PDIA4: variants seen among roughly 807,000 people sequenced by gnomAD.
The protein encoded by PDIA4 is protein disulfide isomerase family A member 4.
A neutral mutation model predicts 62.1 loss-of-function variants in PDIA4; 33 were observed. That is an observed-to-expected ratio of 0.53 (90% CI 0.40 to 0.71). PDIA4 has a LOEUF of 0.71. Among genes scored for constraint, PDIA4 ranks in the 30% least tolerant of loss-of-function variants. The pLI, the probability that PDIA4 is intolerant of heterozygous loss-of-function variation, is 0.00. For synonymous variants in PDIA4, 341 were observed against 324.1 expected, an observed-to-expected ratio of 1.05 and a Z score of -0.56; for missense variants, 804 against 813.6, an observed-to-expected ratio of 0.99 and a Z score of 0.14.
chr7:149,027,441 G>T (rs937804912), intron 1 of PDIA4, among the ~76,000 whole-genome samples: 2 of 152,190 alleles, frequency 1.3e-5, no homozygotes, highest in South Asian at 4.1e-4. Flanking sequence ...CATTATCAAA[G>T]AGTGTATATT....
At chr7:149,007,571 A>G (rs1370633370) in intron 7 of PDIA4, among the ~76,000 whole-genome samples, 1 of 152,258 alleles carries the variant, frequency 6.6e-6, no homozygotes, top group Non-Finnish European at 1.5e-5. Flanking sequence ...TAAAGCACTC[A>G]GAAGGCTGAA....
intron 3 of PDIA4, 99 bp from the exon 4 acceptor site, chr7:149,015,141 C>G: frequency 8.0e-7 from 1 of 1,257,042 alleles, no homozygotes; most frequent in Non-Finnish European, 1.1e-6. Flanking sequence ...AAGCAAGTGT[C>G]GGGGCCCACA....
chr7:149,008,061 A>G, intron 7 of PDIA4, 98 bp downstream of exon 7: 1 of 1,176,084 alleles, frequency 8.5e-7, no homozygotes, highest in Non-Finnish European at 1.2e-6. Context: ...TGCAGACAAG[A>G]GCGAAACCTC....
intron 8 of PDIA4, 97 bp from the exon 9 acceptor site, chr7:149,005,471 G>A (rs1563118861): frequency 3.9e-6 from 3 of 771,690 alleles, no homozygotes; most frequent in Non-Finnish European, 6.7e-6. Context: ...CTAATATTCT[G>A]ACAATGCTCA....
intron 2 of PDIA4, among the ~76,000 whole-genome samples, chr7:149,020,314 G>A (rs1311692763): frequency 6.6e-6 from 1 of 152,102 alleles, no homozygotes; most frequent in African/African-American, 2.4e-5. Context: ...TCAGGCACTG[G>A]ACAAAAGTGA....
chr7:149,025,879 C>T (rs1413569936), intron 1 of PDIA4, among the ~76,000 whole-genome samples: 1 of 152,148 alleles, frequency 6.6e-6, no homozygotes, highest in Non-Finnish European at 1.5e-5. Context: ...TAAAAGCAGG[C>T]AACAAACAGG....
At chr7:149,017,667 T>A (rs1385523475) in intron 3 of PDIA4, among the ~76,000 whole-genome samples, 1 of 151,370 alleles carries the variant, frequency 6.6e-6, no homozygotes, top group Non-Finnish European at 1.5e-5. Flanking sequence ...ATAAAATACA[T>A]TTTATCAAAA....
rs574192583 is a variant in PDIA4, at chr7:149,028,247, G to A, written c.88+74C>T. The A allele has an allele frequency of 2.5e-3, 2,786 of 1,124,916 alleles. 36 individuals carry two copies. In the African/African-American group the frequency reaches 0.031, roughly 12 times the overall value. 69.7% of individuals were successfully genotyped at this position (1,124,916 alleles called of 1,614,324 possible). On this transcript the variant is annotated intron_variant, in intron 1 of 9. Coordinates refer to ENST00000652332, the MANE Select transcript of PDIA4 (RefSeq NM_004911.5). The stretch of plus-strand genomic sequence containing the variant: ...GCGCGGAAGCCCGCCCGCCGGGGTC[G>A]CAGGGCCCAGGCCCCCGCACAGCTC...
At chr7:149,007,314 C>T (rs1348955798) in intron 7 of PDIA4, among the ~76,000 whole-genome samples, 1 of 152,164 alleles carries the variant, frequency 6.6e-6, no homozygotes, top group Non-Finnish European at 1.5e-5. Context: ...TGTCACACCC[C>T]CTGCTCCAGG....
intron 7 of PDIA4, among the ~76,000 whole-genome samples, chr7:149,007,121 G>C (rs1443297288): frequency 6.6e-6 from 1 of 150,612 alleles, no homozygotes; most frequent in Non-Finnish European, 1.5e-5. Flanking sequence ...CCAGGGAAGA[G>C]GAGAGTTGCC....
Position 149,003,866 on chromosome 7 carries a change from T to G in PDIA4, c.1866A>C (p.Arg622Ser). 7 of 1,610,924 alleles carry G rather than the reference T, an allele frequency of 4.3e-6. No individual in the cohort carries two copies. The highest frequency in any genetic ancestry group is 5.9e-6 in the Non-Finnish European group (7 of 1,178,952). ...KNPVKFEGGD[R>S]DLEHLSKFIE... Reference sequence around the variant, plus strand: ...TAAACTTGCTCAAATGCTCCAGATCTCTGTCTCCACCCTCAAATTTAACTG... The same window carrying G: ...TAAACTTGCTCAAATGCTCCAGATCGCTGTCTCCACCCTCAAATTTAACTG... Residue 622 changes from arginine (R) to serine (S), a missense_variant, in exon 10 of 10, where the codon AGA becomes AGC. Arg to Ser is a moderately radical substitution (Grantham distance 110). Transcript: ENST00000652332.
Position 149,028,461 on chromosome 7 carries a change from G to C in PDIA4, c.-53C>G. On this transcript the variant is annotated 5_prime_UTR_variant, in exon 1 of 10. Coordinates refer to ENST00000652332, the MANE Select transcript of PDIA4 (RefSeq NM_004911.5). ...AGCGTCGGCGGCCGCTGAGCGCACCGAGAACTCGGGGTCTGGCCGACAGCC... is the reference window on the plus strand; with the variant it reads ...AGCGTCGGCGGCCGCTGAGCGCACCCAGAACTCGGGGTCTGGCCGACAGCC... The C allele has an allele frequency of 7.9e-7, 1 of 1,272,810 alleles. No homozygotes were observed. Among genetic ancestry groups the C allele is most frequent in the Non-Finnish European group, 1.0e-6 (1 of 952,446 alleles). The allele number at this position is 1,272,810 out of a possible 1,614,324, so 78.8% of individuals were successfully genotyped here.
At chr7:149,009,897 C>G (rs1823886807) in intron 6 of PDIA4, among the ~76,000 whole-genome samples, 1 of 152,222 alleles carries the variant, frequency 6.6e-6, no homozygotes, top group Non-Finnish European at 1.5e-5. Flanking sequence ...GGCATCCAAA[C>G]TCATCCTGGG....
At chr7:149,023,772 T>A (rs746953989) in intron 1 of PDIA4, among the ~76,000 whole-genome samples, 1 of 152,080 alleles carries the variant, frequency 6.6e-6, no homozygotes, top group African/African-American at 2.4e-5. Context: ...CATGACCACA[T>A]AGACAACTCC....
intron 7 of PDIA4, among the ~76,000 whole-genome samples, chr7:149,006,791 C>G (rs1013427589): frequency 2.6e-5 from 4 of 152,200 alleles, no homozygotes; most frequent in Non-Finnish European, 5.9e-5. Flanking sequence ...ACAGATAATC[C>G]AACTATCTCC....
chr7:149,009,831 T>C (rs1446020951), intron 6 of PDIA4, among the ~76,000 whole-genome samples: 2 of 152,214 alleles, frequency 1.3e-5, no homozygotes, highest in African/African-American at 2.4e-5. Flanking sequence ...TGTCAACCCC[T>C]ACCCTAGATT....
At chr7:149,015,980 G>A (rs892255294) in intron 3 of PDIA4, among the ~76,000 whole-genome samples, 2 of 152,234 alleles carry the variant, frequency 1.3e-5, no homozygotes, top group Admixed American at 6.5e-5. Flanking sequence ...GCATATGCCT[G>A]TTTACTTCAC....
intron 1 of PDIA4, chr7:149,027,768 T>C (rs945399348): frequency 6.3e-5 from 28 of 441,036 alleles, no homozygotes; most frequent in African/African-American, 4.4e-4. Context: ...GAAGGAATGG[T>C]ATCTCTAGTT....
In PDIA4 at chr7:149,022,583, G is replaced by A. The variant is rs567761641; in HGVS notation, c.89-1436C>T. 2.2e-4 allele frequency among the ~76,000 whole-genome samples: 33 copies of A among 152,256 alleles called. No individual in the cohort carries two copies. The South Asian group carries it at 6.8e-3, about 32-fold the overall frequency. ...TTCTTTTCTGGAGATGTGTTTTCCA[G>A]GAGGTAAATGAACGCTGCTAGTTAC... On this transcript the variant is annotated intron_variant, in intron 1 of 9. Transcript: ENST00000652332.
Sources: gnomAD v4.1 joint callset for allele counts (sites outside exome capture counted in the v4.1 genomes callset) on GRCh38, gnomAD v4.1.1 for gene constraint, MANE v1.5 for transcripts, NCBI Gene and HGNC (gene_info 2026-07-23, HGNC 2026-07-21) for gene names.